The following CNOT6L variants were observed in gnomAD, a reference collection of about 807,000 sequenced individuals.
CNOT6L encodes CCR4-NOT transcription complex subunit 6 like.
A neutral mutation model predicts 64.0 loss-of-function variants in CNOT6L; 7 were observed. The observed-to-expected ratio is 0.11, with a 90% CI of 0.06 to 0.21. CNOT6L has a LOEUF of 0.21. Ranked by LOEUF, CNOT6L falls within the 10% of genes least tolerant of loss-of-function variation. The pLI is 1.00. For missense variants in CNOT6L, 245 were observed against 669.0 expected (o/e 0.37, Z 6.99); for synonymous variants, 193 against 243.4 (o/e 0.79, Z 1.93).
Position 77,735,441 on chromosome 4 carries a change from C to T in CNOT6L, c.873-3903G>A, listed in dbSNP as rs150202400. Among the ~76,000 whole-genome samples, 206 of 152,288 alleles carry T rather than the reference C, an allele frequency of 1.4e-3. 1 individual carries two copies. Among genetic ancestry groups the T allele is most frequent in the African/African-American group, 4.9e-3 (204 of 41,570 alleles). On this transcript the variant is annotated intron_variant, in intron 8 of 11. Transcript: ENST00000504123. ...AAAGTTTGATAGTTCATCCATCCCC[C>T]AAATCCTAGAATTTTTTTCTCTACT...
At chr4:77,801,830 A>T (rs908271342) in intron 1 of CNOT6L, among the ~76,000 whole-genome samples, 4 of 152,276 alleles carry the variant, frequency 2.6e-5, no homozygotes, top group Admixed American at 2.0e-4. Context: ...CCGAGGCTAT[A>T]GCAAACTATG....
In CNOT6L at chr4:77,816,819, T is replaced by G. The variant is rs957104628; in HGVS notation, c.5+2485A>C. ...TTTTCCCAAAACAAAAAGAAAACAA[T>G]CTTTATGTTAACTTTTCTGTTATCT... is the stretch of plus-strand genomic sequence containing the variant. On this transcript the variant is annotated intron_variant, in intron 1 of 11. Coordinates refer to ENST00000504123, the MANE Select transcript of CNOT6L (RefSeq NM_144571.3). Among the ~76,000 whole-genome samples the G allele has an allele frequency of 3.8e-4, 58 of 152,100 alleles. 1 individual carries two copies. The highest frequency in any genetic ancestry group is 3.8e-4 in the Non-Finnish European group (26 of 68,010).
At chr4:77,819,049 GACACAC>G (rs371841161) in intron 1 of CNOT6L, 25 of 525,318 alleles carry the variant, frequency 4.8e-5, no homozygotes, top group African/African-American at 3.3e-4. Context: ...GGCCACCCCC[GACACAC>G]ACACACACAC....
chr4:77,803,236 C>T (rs953829674), intron 1 of CNOT6L, among the ~76,000 whole-genome samples: 11 of 151,896 alleles, frequency 7.2e-5, no homozygotes, highest in Admixed American at 5.2e-4. Context: ...AAAAAATTAT[C>T]TCCACTATAA....
intron 1 of CNOT6L, among the ~76,000 whole-genome samples, chr4:77,811,812 T>C (rs924796286): frequency 6.6e-6 from 1 of 151,156 alleles, no homozygotes. Context: ...GAAAAACTTA[T>C]AGCTCACTAC....
intron 5 of CNOT6L, among the ~76,000 whole-genome samples, chr4:77,755,884 G>A (rs1725509390): frequency 6.7e-6 from 1 of 150,346 alleles, no homozygotes; most frequent in Non-Finnish European, 1.5e-5. Context: ...TTTGTATGCA[G>A]TAGTATCTCC....
intron 6 of CNOT6L, among the ~76,000 whole-genome samples, chr4:77,745,761 G>C (rs769264979): frequency 6.6e-6 from 1 of 152,154 alleles, no homozygotes; most frequent in South Asian, 2.1e-4. Flanking sequence ...CTAGCTATTC[G>C]TATTTTTAAA....
chr4:77,740,636 CAACT>C (rs1723477469), intron 8 of CNOT6L, among the ~76,000 whole-genome samples: 1 of 152,074 alleles, frequency 6.6e-6, no homozygotes, highest in South Asian at 2.1e-4. Flanking sequence ...TTGAACAAGA[CAACT>C]AATATAAACA....
rs58242121 is a variant in CNOT6L at position 77,789,945 on chromosome 4, C to CAA, written c.6-13555_6-13554dup. 2.4e-3 allele frequency among the ~76,000 whole-genome samples: 202 copies of CAA among 83,286 alleles called. 2 individuals carry two copies. The highest frequency in any genetic ancestry group is 5.3e-3 in the East Asian group (14 of 2,648). The allele number at this position is 83,286 out of a possible 152,430, so 54.6% of individuals were successfully genotyped here. A position where few individuals can be genotyped will look rare whatever the true frequency, so the allele number is the denominator to read the frequency against. Reference sequence around the variant, plus strand: ...TAAGCGACAAAGCAAGACACTGTCTCAAAAAAAAAAAAAAAAAAAAAAAAA... The same window carrying CAA: ...TAAGCGACAAAGCAAGACACTGTCTCAAAAAAAAAAAAAAAAAAAAAAAAAAA... On this transcript the variant is annotated intron_variant, in intron 1 of 11. Transcript: ENST00000504123.
intron 8 of CNOT6L, among the ~76,000 whole-genome samples, chr4:77,738,809 C>A (rs1399543333): frequency 6.7e-6 from 1 of 148,500 alleles, no homozygotes; most frequent in African/African-American, 2.5e-5. Flanking sequence ...ACATTATATA[C>A]ATATAAGAAA....
rs1731313567 is a variant in CNOT6L at position 77,799,872 on chromosome 4, G to GA, written c.5+19431dup. 7.2e-5 allele frequency among the ~76,000 whole-genome samples: 11 copies of GA among 152,036 alleles called. No individual in the cohort carries two copies. In the South Asian group the frequency reaches 2.3e-3, roughly 32 times the overall value. On this transcript the variant is annotated intron_variant, in intron 1 of 11. Transcript: ENST00000504123. The stretch of plus-strand genomic sequence containing the variant: ...TAGATTTAGTCCATGTTTTAATGTG[G>GA]AAAAAAACTGAAGTAACATTCTAAC...
chr4:77,817,074 T>C (rs559907783), intron 1 of CNOT6L, among the ~76,000 whole-genome samples: 123 of 152,184 alleles, frequency 8.1e-4, no homozygotes, highest in Non-Finnish European at 1.6e-3. Flanking sequence ...TGGGGATCTA[T>C]CTAAATTTTG....
intron 1 of CNOT6L, among the ~76,000 whole-genome samples, chr4:77,802,796 G>C (rs1731742167): frequency 6.6e-6 from 1 of 152,178 alleles, no homozygotes; most frequent in Non-Finnish European, 1.5e-5. Flanking sequence ...ACACCTCACA[G>C]CTAGTAAGTG....
chr4:77,737,485 G>A (rs1374379135), intron 8 of CNOT6L, among the ~76,000 whole-genome samples: 5 of 127,754 alleles, frequency 3.9e-5, no homozygotes, highest in Non-Finnish European at 7.8e-5. Flanking sequence ...GCAACGGCAC[G>A]ATCTTGGCTC....
chr4:77,723,734 T>C (rs534814146), intron 11 of CNOT6L, among the ~76,000 whole-genome samples: 2 of 152,298 alleles, frequency 1.3e-5, no homozygotes, highest in East Asian at 1.9e-4. Context: ...ATCTTATACA[T>C]CCAAACATCA....
chr4:77,812,595 T>A (rs1275017308), intron 1 of CNOT6L, among the ~76,000 whole-genome samples: 1 of 151,538 alleles, frequency 6.6e-6, no homozygotes, highest in Admixed American at 6.6e-5. Context: ...TCTGGAAGAA[T>A]AAAATACTTG....
intron 1 of CNOT6L, among the ~76,000 whole-genome samples, chr4:77,780,386 C>T (rs1388011521): frequency 1.3e-5 from 2 of 152,192 alleles, no homozygotes; most frequent in African/African-American, 4.8e-5. Context: ...AAAAGATCCT[C>T]CCATTACATC....
At chr4:77,763,699 T>C (rs1726495525) in intron 4 of CNOT6L, among the ~76,000 whole-genome samples, 1 of 152,142 alleles carries the variant, frequency 6.6e-6, no homozygotes, top group Admixed American at 6.5e-5. Context: ...AGAAAAGAAA[T>C]TCTTTTCAGA....
intron 1 of CNOT6L, among the ~76,000 whole-genome samples, chr4:77,776,932 A>T (rs1728214103): frequency 6.6e-6 from 1 of 152,156 alleles, no homozygotes; most frequent in African/African-American, 2.4e-5. Flanking sequence ...TACAGCCCAA[A>T]TTGCTGCTGG....
Sources: allele counts gnomAD v4.1 joint callset (sites outside exome capture counted in the v4.1 genomes callset), GRCh38; gene constraint gnomAD v4.1.1; transcripts MANE v1.5; gene names NCBI Gene and HGNC (gene_info 2026-07-23, HGNC 2026-07-21).